Variants in CLIC5 observed in about 807,000 individuals in gnomAD.
CLIC5 encodes CLIC family member 5.
Under a neutral mutation model 24.7 loss-of-function variants are expected in CLIC5, and 20 were observed. The observed-to-expected ratio is 0.81, with a 90% confidence interval of 0.57 to 1.18. The LOEUF (loss-of-function observed/expected upper bound fraction) is 1.18. Among genes scored for constraint, CLIC5 ranks in the 50% most tolerant of loss-of-function variants. The probability of loss-of-function intolerance (pLI) is 0.00; values close to 1 mark genes in which losing one functional copy is unlikely to be tolerated. For missense variants in CLIC5, 341 were observed against 326.1 expected (o/e 1.05, Z -0.35); for synonymous variants, 159 against 135.6 (o/e 1.17, Z -1.20).
intron 1 of CLIC5, among the ~76,000 whole-genome samples, chr6:46,038,802 T>C (rs1767731396): frequency 6.6e-6 from 1 of 152,206 alleles, no homozygotes; most frequent in African/African-American, 2.4e-5. Flanking sequence ...TGTTTTCAAG[T>C]AACAGAGAAA....
chr6:46,015,952 G>C (rs375517622), upstream of CLIC5: 11 of 969,864 alleles, frequency 1.1e-5, no homozygotes, highest in East Asian at 2.2e-4. Context: ...CCGGCAGCTC[G>C]GGCCTGGGCC....
intron 1 of CLIC5, among the ~76,000 whole-genome samples, chr6:45,998,576 G>A (rs938606998): frequency 8.5e-5 from 13 of 152,296 alleles, no homozygotes; most frequent in Middle Eastern, 3.4e-3. Context: ...ACACATGCAG[G>A]ATAGGAATAT....
intron 4 of CLIC5, among the ~76,000 whole-genome samples, chr6:45,914,971 C>A (rs9463149): frequency 6.6e-6 from 1 of 151,992 alleles, no homozygotes; most frequent in African/African-American, 2.4e-5. Flanking sequence ...CACTCTGTCA[C>A]TAAGCTGGAG....
chr6:45,972,295 G>C (rs541120445), intron 1 of CLIC5, among the ~76,000 whole-genome samples: 2 of 152,272 alleles, frequency 1.3e-5, no homozygotes, highest in South Asian at 4.1e-4. Context: ...AATAACAGCT[G>C]CCCACCTACT....
intron 5 of CLIC5, chr6:45,911,706 T>C (rs1250632625): frequency 1.0e-6 from 1 of 985,278 alleles, no homozygotes; most frequent in East Asian, 1.1e-4. Flanking sequence ...TTTGTAAATA[T>C]ATACTTCTAT....
At chr6:46,018,366 T>C (rs924809398), upstream of CLIC5, among the ~76,000 whole-genome samples, 2 of 152,232 alleles carry the variant, frequency 1.3e-5, no homozygotes, top group African/African-American at 4.8e-5. Flanking sequence ...TTTTATCTTC[T>C]CCAAATATCT....
upstream of CLIC5, among the ~76,000 whole-genome samples, chr6:46,084,846 C>T (rs1397085937): frequency 2.6e-5 from 4 of 152,340 alleles, no homozygotes; most frequent in South Asian, 2.1e-4. Context: ...GGAAGTTCTC[C>T]TGGATAATAT....
intron 1 of CLIC5, among the ~76,000 whole-genome samples, chr6:46,077,120 CTT>C (rs568233848): frequency 6.6e-6 from 1 of 151,086 alleles, no homozygotes; most frequent in East Asian, 1.9e-4. Flanking sequence ...GGAGACGAGA[CTT>C]TTTTTTTCTT....
At chr6:46,023,077 A>G (rs77081035) in intron 1 of CLIC5, among the ~76,000 whole-genome samples, 2,704 of 152,298 alleles carry the variant, frequency 0.018, 87 homozygotes, top group African/African-American at 0.055. Flanking sequence ...GATGGAATCA[A>G]TGAATGAATG....
chr6:46,103,117 TAC>T, the CLIC5 span, among the ~76,000 whole-genome samples: 1 of 152,236 alleles, frequency 6.6e-6, no homozygotes, highest in South Asian at 2.1e-4. Flanking sequence ...AGGAAAATAA[TAC>T]AGACTTGAAG....
intron 3 of CLIC5, among the ~76,000 whole-genome samples, chr6:45,946,055 T>C (rs1475589201): frequency 6.6e-6 from 1 of 152,226 alleles, no homozygotes; most frequent in Admixed American, 6.5e-5. Flanking sequence ...AAAAGACATC[T>C]TGGAGACTAT....
At chr6:46,001,364 C>T (rs536782431) in intron 1 of CLIC5, among the ~76,000 whole-genome samples, 5 of 152,310 alleles carry the variant, frequency 3.3e-5, no homozygotes, top group Non-Finnish European at 7.3e-5. Flanking sequence ...TCCCCCTTCT[C>T]TGCCTGAGCT....
chr6:46,054,988 G>A (rs1768205682), intron 1 of CLIC5, among the ~76,000 whole-genome samples: 1 of 152,174 alleles, frequency 6.6e-6, no homozygotes, highest in Non-Finnish European at 1.5e-5. Flanking sequence ...TACCATTTGG[G>A]CCAAACCTTT....
the CLIC5 span, among the ~76,000 whole-genome samples, chr6:46,087,580 C>T: frequency 1.3e-4 from 20 of 152,232 alleles, no homozygotes; most frequent in Admixed American, 4.6e-4. Context: ...TCCTTATTCA[C>T]GGTGGGTCTA....
At chr6:45,953,044 T>C (rs559017449) in intron 2 of CLIC5, among the ~76,000 whole-genome samples, 44 of 152,214 alleles carry the variant, frequency 2.9e-4, no homozygotes, top group Non-Finnish European at 5.1e-4. Context: ...GGATTGAAGG[T>C]CTCATTTGAA....
intron 1 of CLIC5, among the ~76,000 whole-genome samples, chr6:46,006,388 C>T (rs1766584396): frequency 6.6e-6 from 1 of 151,536 alleles, no homozygotes; most frequent in Admixed American, 6.6e-5. Context: ...TCATGATCTG[C>T]CCACCTCAGC....
intron 1 of CLIC5, among the ~76,000 whole-genome samples, chr6:45,995,174 G>T (rs963780049): frequency 6.6e-6 from 1 of 152,110 alleles, no homozygotes; most frequent in Non-Finnish European, 1.5e-5. Flanking sequence ...AAGCTGTGTG[G>T]CCTTGAACAA....
chr6:45,960,226 G>A (rs1037023952), intron 1 of CLIC5, among the ~76,000 whole-genome samples: 7 of 152,118 alleles, frequency 4.6e-5, no homozygotes, highest in East Asian at 1.9e-4. Context: ...AAAGTCACTC[G>A]CGGGTACCCA....
chr6:45,998,880 T>A (rs1766248797), intron 1 of CLIC5, among the ~76,000 whole-genome samples: 1 of 152,240 alleles, frequency 6.6e-6, no homozygotes, highest in Non-Finnish European at 1.5e-5. Flanking sequence ...AACACAGGTA[T>A]GTCCATTTGT....
Sources: allele counts gnomAD v4.1 joint callset (sites outside exome capture counted in the v4.1 genomes callset), GRCh38; gene constraint gnomAD v4.1.1; transcripts MANE v1.5; gene names NCBI Gene and HGNC (gene_info 2026-07-23, HGNC 2026-07-21).